Variants in MYO6 observed in about 807,000 individuals in gnomAD.
MYO6 encodes myosin VI.
A neutral mutation model predicts 178.7 loss-of-function variants in MYO6; 74 were observed. The observed-to-expected ratio is 0.41, with a 90% CI of 0.34 to 0.50. The LOEUF is 0.50. Ranked by LOEUF, MYO6 falls within the 20% of genes least tolerant of loss-of-function variation. MYO6 has a pLI of 0.09. For missense variants in MYO6, 1,330 were observed against 1,547.4 expected (o/e 0.86, Z 2.36); for synonymous variants, 477 against 504.6 (o/e 0.95, Z 0.73).
At position 75,867,036 on chromosome 6, in the gene MYO6, A is replaced by G. The variant is rs1161282050; in HGVS notation, c.1875A>G (p.Thr625=). Residue 625 remains threonine (T), a synonymous_variant, in exon 18 of 35, where the codon ACA becomes ACG. Transcript: ENST00000369977. The part of the protein sequence containing the change: ...KFIRELFESS[T]NNNKDTKQKA... ...TACGGGAATTATTTGAATCATCCAC[A>G]AATAACAACAAAGATACTAAACAAA... 1.9e-6 allele frequency: 3 copies of G among 1,613,904 alleles called. No homozygotes were observed. The highest frequency in any genetic ancestry group is 2.5e-6 in the Non-Finnish European group (3 of 1,179,926).
intron 30 of MYO6, among the ~76,000 whole-genome samples, chr6:75,905,345 C>G (rs968049305): frequency 2.6e-5 from 4 of 152,234 alleles, no homozygotes; most frequent in Admixed American, 1.3e-4. Flanking sequence ...GCAGTTTGAT[C>G]TCAGACTGCT....
intron 20 of MYO6, 113 bp from the exon 21 acceptor site, chr6:75,879,707 A>G: frequency 7.0e-7 from 1 of 1,433,754 alleles, no homozygotes; most frequent in Non-Finnish European, 9.8e-7. Flanking sequence ...GTTGCTGATA[A>G]TTCTCATAAA....
At chr6:75,914,717 A>G in intron 34 of MYO6, 96 bp from the exon 35 acceptor site, 1 of 1,204,854 alleles carries the variant, frequency 8.3e-7, no homozygotes, top group Non-Finnish European at 1.2e-6. Flanking sequence ...GGAAGTTTTC[A>G]AATCTATGAG....
intron 20 of MYO6, among the ~76,000 whole-genome samples, chr6:75,878,315 G>T (rs191865513): frequency 1.2e-3 from 187 of 151,580 alleles, no homozygotes; most frequent in East Asian, 3.9e-3. Context: ...TTTTTTTCTG[G>T]TTTTTTTTCT....
chr6:75,800,303 A>G (rs1305389416), intron 1 of MYO6, among the ~76,000 whole-genome samples: 1 of 152,192 alleles, frequency 6.6e-6, no homozygotes, highest in Non-Finnish European at 1.5e-5. Context: ...GTTTCCCAAC[A>G]CAATTAAGAG....
At chr6:75,780,230 C>T (rs1428890118) in intron 1 of MYO6, among the ~76,000 whole-genome samples, 1 of 152,182 alleles carries the variant, frequency 6.6e-6, no homozygotes, top group African/African-American at 2.4e-5. Flanking sequence ...CATCTGAGGT[C>T]AGGAGTTCAA....
In MYO6 at chr6:75,855,344, A is replaced by G. The variant is rs923898410; in HGVS notation, c.1223+61A>G. ...GCCTTGCAGTTTGTCAAGGAAAAAC[A>G]TAAGTTACATTCTGTTTAAAACCTG... On this transcript the variant is annotated intron_variant, in intron 12 of 34. Transcript: ENST00000369977. The G allele has an allele frequency of 9.1e-6, 14 of 1,532,910 alleles. No individual in the cohort carries two copies. The African/African-American group carries it at 9.6e-5, about 11-fold the overall frequency. The allele number at this position is 1,532,910 out of a possible 1,614,324, so 95.0% of individuals were successfully genotyped here.
At chr6:75,871,642 T>C (rs1358865229) in intron 19 of MYO6, among the ~76,000 whole-genome samples, 2 of 152,202 alleles carry the variant, frequency 1.3e-5, no homozygotes, top group Admixed American at 1.3e-4. Flanking sequence ...GTTAGATTAA[T>C]TTTTGGAACC....
intron 20 of MYO6, among the ~76,000 whole-genome samples, chr6:75,875,538 C>CA (rs1401721398): frequency 6.6e-6 from 1 of 152,224 alleles, no homozygotes; most frequent in African/African-American, 2.4e-5. Flanking sequence ...CCTCCTCCCT[C>CA]AGCCTTCCAA....
intron 11 of MYO6, among the ~76,000 whole-genome samples, chr6:75,851,633 TAA>T (rs55727614): frequency 7.0e-6 from 1 of 142,728 alleles, no homozygotes; most frequent in Non-Finnish European, 1.5e-5. Context: ...TGAGACCCCA[TAA>T]AAAAAAAACA....
chr6:75,890,191 AGAAAT>A lies in MYO6; in HGVS notation c.2795_2799del (p.Glu932GlyfsTer8). ...CAGAAAGGCTGAGGCGTATTCAAGA[AGAAAT>A]GGAAAAGGAAAGAAAAAGACGTGAA... is the stretch of plus-strand genomic sequence containing the variant. On this transcript the variant is annotated frameshift_variant, in exon 26 of 35. Coordinates refer to ENST00000369977, the MANE Select transcript of MYO6 (RefSeq NM_004999.4). LOFTEE classifies it high-confidence loss of function. 1 of 1,612,596 alleles carries A rather than the reference AGAAAT, an allele frequency of 6.2e-7. No homozygotes were observed. Among genetic ancestry groups the A allele is most frequent in the Non-Finnish European group, 8.5e-7 (1 of 1,178,620 alleles).
intron 33 of MYO6, among the ~76,000 whole-genome samples, chr6:75,912,977 TAGAGTAA>T (rs1780874604): frequency 6.6e-6 from 1 of 152,182 alleles, no homozygotes; most frequent in South Asian, 2.1e-4. Flanking sequence ...GTGTAAAAAG[TAGAGTAA>T]GAGTATTTTC....
At chr6:75,805,021 A>ATATATATATATATTTTTTTT (rs1252912172) in intron 1 of MYO6, among the ~76,000 whole-genome samples, 10 of 77,284 alleles carry the variant, frequency 1.3e-4, no homozygotes, top group African/African-American at 1.0e-3. Context: ...ATATATATAT[A>ATATATATATATATTTTTTTT]TTTTTTTTTT....
chr6:75,839,250 G>A (rs1184484006), intron 7 of MYO6, among the ~76,000 whole-genome samples: 6 of 151,776 alleles, frequency 4.0e-5, no homozygotes, highest in East Asian at 2.0e-4. Flanking sequence ...GTGCAGTGGC[G>A]CGATCTCGGC....
intron 1 of MYO6, among the ~76,000 whole-genome samples, chr6:75,806,764 C>T (rs1770137306): frequency 6.6e-6 from 1 of 152,206 alleles, no homozygotes; most frequent in Non-Finnish European, 1.5e-5. Flanking sequence ...TTATTTAGGC[C>T]CATCCTATAC....
At chr6:75,766,727 C>A (rs1384879460) in intron 1 of MYO6, among the ~76,000 whole-genome samples, 3 of 152,126 alleles carry the variant, frequency 2.0e-5, no homozygotes, top group Non-Finnish European at 4.4e-5. Flanking sequence ...AAAGGACAGT[C>A]TTCTTTCAAT....
intron 15 of MYO6, among the ~76,000 whole-genome samples, chr6:75,862,232 C>G (rs142082476): frequency 6.6e-6 from 1 of 152,284 alleles, no homozygotes; most frequent in East Asian, 1.9e-4. Context: ...AAAAGCTATG[C>G]ATGTAGAAGT....
rs367854274 is a variant in MYO6, at chr6:75,817,072, G to A, written c.-47-429G>A. On this transcript the variant is annotated intron_variant, in intron 1 of 34. Transcript: ENST00000369977. The stretch of plus-strand genomic sequence containing the variant: ...TGTAATCCCAGCACTTTGGGAGGCC[G>A]AGGCAGGCGGATCACGAGGTCAGGA... 1.8e-4 allele frequency among the ~76,000 whole-genome samples: 27 copies of A among 152,254 alleles called. No homozygotes were observed. The East Asian group carries it at 3.1e-3, about 17-fold the overall frequency.
chr6:75,886,425 T>A (rs1778437340), intron 24 of MYO6, among the ~76,000 whole-genome samples: 1 of 146,816 alleles, frequency 6.8e-6, no homozygotes, highest in East Asian at 2.0e-4. Context: ...TGACATTTTT[T>A]AAAAAACATC....
Sources: allele counts gnomAD v4.1 joint callset (sites outside exome capture counted in the v4.1 genomes callset), GRCh38; gene constraint gnomAD v4.1.1; transcripts MANE v1.5; gene names NCBI Gene and HGNC (gene_info 2026-07-23, HGNC 2026-07-21).